Variants in FBXW11 observed in about 807,000 individuals in gnomAD.
FBXW11 encodes the protein F-box/WD repeat-containing protein 11.
A neutral mutation model predicts 77.6 loss-of-function variants in FBXW11; 19 were observed. The observed-to-expected ratio is 0.24, with a 90% CI of 0.17 to 0.36. The LOEUF is 0.36. Among genes scored for constraint, FBXW11 ranks in the 10% least tolerant of loss-of-function variants. The pLI is 1.00. For synonymous variants in FBXW11, 235 were observed against 249.4 expected (o/e 0.94, Z 0.54); for missense variants, 334 against 704.2 (o/e 0.47, Z 5.95).
intron 1 of FBXW11, among the ~76,000 whole-genome samples, chr5:171,967,560 C>T (rs1764258192): frequency 6.6e-6 from 1 of 152,068 alleles, no homozygotes; most frequent in Non-Finnish European, 1.5e-5. Flanking sequence ...TATACATAGG[C>T]CGGGCATGGT....
At chr5:171,933,130 C>CAAA (rs774171489) in intron 2 of FBXW11, among the ~76,000 whole-genome samples, 14 of 36,780 alleles carry the variant, frequency 3.8e-4, no homozygotes, top group East Asian at 8.5e-4. Context: ...GACCTTCTCT[C>CAAA]AAAAAAAAAA....
chr5:171,965,923 G>A (rs906044096), intron 1 of FBXW11, among the ~76,000 whole-genome samples: 1 of 152,038 alleles, frequency 6.6e-6, no homozygotes, highest in Non-Finnish European at 1.5e-5. Context: ...TGCTGTTCTC[G>A]CGATAGTGAG....
chr5:171,933,872 GA>G (rs1020696206), intron 2 of FBXW11, among the ~76,000 whole-genome samples: 5 of 151,984 alleles, frequency 3.3e-5, no homozygotes, highest in Non-Finnish European at 5.9e-5. Flanking sequence ...ACTATACAGG[GA>G]AAAGTTCATT....
At chr5:171,939,713 A>C (rs866698606) in intron 2 of FBXW11, among the ~76,000 whole-genome samples, 1 of 151,434 alleles carries the variant, frequency 6.6e-6, no homozygotes, top group Admixed American at 6.6e-5. Flanking sequence ...AAAAAAAAAA[A>C]AAAAAGAAAG....
rs77284687 is a variant in FBXW11 at position 171,964,300 on chromosome 5, G to T, written c.46-6602C>A. On this transcript the variant is annotated intron_variant, in intron 1 of 13. Transcript: ENST00000517395. ...CAAAGAGTGCCATGATAATGATGAAGAAGAGAAATAAAAGATCAATTTCAT... is the reference window on the plus strand; with the variant it reads ...CAAAGAGTGCCATGATAATGATGAATAAGAGAAATAAAAGATCAATTTCAT... Among the ~76,000 whole-genome samples the T allele has an allele frequency of 5.9e-3, 899 of 152,318 alleles. 6 individuals carry two copies. The highest frequency in any genetic ancestry group is 8.8e-3 in the Non-Finnish European group (599 of 68,024).
At chr5:171,935,320 A>C (rs1762417498) in intron 2 of FBXW11, among the ~76,000 whole-genome samples, 1 of 152,096 alleles carries the variant, frequency 6.6e-6, no homozygotes, top group African/African-American at 2.4e-5. Context: ...TGGTTATACA[A>C]CTCTGTGACT....
Position 171,914,410 on chromosome 5 carries a change from G to C in FBXW11, c.148-5C>G, listed in dbSNP as rs1296086110. The C allele has an allele frequency of 3.2e-6, 5 of 1,577,558 alleles. No individual in the cohort carries two copies. Among genetic ancestry groups the C allele is most frequent in the South Asian group, 2.4e-5 (2 of 83,512 alleles). ...ATCTTCCATAACTGAAGTGTTCTAG[G>C]GGGGGAAAAACAGGTTATTTGAATT... is the stretch of plus-strand genomic sequence containing the variant. On this transcript the variant is annotated splice_polypyrimidine_tract_variant and splice_region_variant and intron_variant, in intron 2 of 13. Transcript: ENST00000517395.
chr5:172,003,201 C>T lies in FBXW11; in HGVS notation c.45+3257G>A, dbSNP rs574086091. ...CTCACACCCGTGGAGGAGGCAGGAT[C>T]GCCTTTCCTAAAGTGATAGCATCAA... On this transcript the variant is annotated intron_variant, in intron 1 of 13. Transcript: ENST00000517395. 3.3e-5 allele frequency: 5 copies of T among 152,298 alleles called. No individual in the cohort carries two copies. In the East Asian group the frequency reaches 9.6e-4, roughly 29 times the overall value. 9.4% of individuals were successfully genotyped at this position (152,298 alleles called of 1,614,324 possible). A position where few individuals can be genotyped will look rare whatever the true frequency, so the allele number is the denominator to read the frequency against.
At chr5:171,952,254 A>T (rs1488512432) in intron 2 of FBXW11, among the ~76,000 whole-genome samples, 1 of 150,676 alleles carries the variant, frequency 6.6e-6, no homozygotes. Flanking sequence ...AATAGCAACA[A>T]ATGTTCTCTC....
At chr5:171,892,289 A>G (rs1331548547) in intron 6 of FBXW11, among the ~76,000 whole-genome samples, 1 of 152,254 alleles carries the variant, frequency 6.6e-6, no homozygotes, top group African/African-American at 2.4e-5. Context: ...CTAGAGAGAC[A>G]CTAAACTAAG....
intron 2 of FBXW11, among the ~76,000 whole-genome samples, chr5:171,939,095 G>A (rs1762617785): frequency 6.6e-6 from 1 of 151,986 alleles, no homozygotes. Context: ...AAAATAGTGG[G>A]GCGTAGTGGC....
At chr5:171,898,749 A>G (rs1759917588) in intron 6 of FBXW11, among the ~76,000 whole-genome samples, 1 of 152,206 alleles carries the variant, frequency 6.6e-6, no homozygotes, top group Non-Finnish European at 1.5e-5. Flanking sequence ...TTTTAGATTA[A>G]GGTTTGAATT....
At chr5:171,888,442 C>T (rs147379881) in intron 7 of FBXW11, among the ~76,000 whole-genome samples, 61 of 152,278 alleles carry the variant, frequency 4.0e-4, no homozygotes, top group African/African-American at 1.4e-3. Flanking sequence ...CCATGACAGA[C>T]GCAAAGTGGC....
chr5:171,870,915 C>T (rs565300916), intron 10 of FBXW11, 57 bp from the exon 11 acceptor site: 36 of 1,282,044 alleles, frequency 2.8e-5, no homozygotes, highest in South Asian at 1.7e-4. Context: ...TCACACTATC[C>T]GTAAGTTTTT....
chr5:171,881,875 T>A (rs1758531514), intron 7 of FBXW11, among the ~76,000 whole-genome samples: 1 of 152,254 alleles, frequency 6.6e-6, no homozygotes, highest in African/African-American at 2.4e-5. Flanking sequence ...GTTGATCATA[T>A]TATTTTATTA....
At chr5:171,996,013 C>A (rs1010044191) in intron 1 of FBXW11, among the ~76,000 whole-genome samples, 1 of 152,152 alleles carries the variant, frequency 6.6e-6, no homozygotes, top group South Asian at 2.1e-4. Flanking sequence ...GCAGTTTATG[C>A]TTACGAGCTC....
chr5:171,917,088 T>C (rs1264264555), intron 2 of FBXW11, among the ~76,000 whole-genome samples: 1 of 151,964 alleles, frequency 6.6e-6, no homozygotes, highest in African/African-American at 2.4e-5. Flanking sequence ...GCCCAGCTAA[T>C]TTTTGTATTT....
At chr5:171,958,632 A>G (rs1561722403) in intron 1 of FBXW11, among the ~76,000 whole-genome samples, 2 of 152,228 alleles carry the variant, frequency 1.3e-5, no homozygotes, top group Non-Finnish European at 2.9e-5. Context: ...AAAGGAATTA[A>G]GAAAAAAAGT....
At chr5:171,924,675 C>G (rs1761789640) in intron 2 of FBXW11, among the ~76,000 whole-genome samples, 2 of 152,124 alleles carry the variant, frequency 1.3e-5, no homozygotes, top group African/African-American at 4.8e-5. Flanking sequence ...CAGGAAGCAG[C>G]CACGGGGCCA....
Sources: allele counts gnomAD v4.1 joint callset (sites outside exome capture counted in the v4.1 genomes callset), GRCh38; gene constraint gnomAD v4.1.1; transcripts MANE v1.5; gene names NCBI Gene and HGNC (gene_info 2026-07-23, HGNC 2026-07-21).